The following DLG5 variants were observed in gnomAD, a reference collection of about 807,000 sequenced individuals.
DLG5 encodes the protein discs large MAGUK scaffold protein 5, also known as disks large homolog 5.
A neutral mutation model predicts 189.8 loss-of-function variants in DLG5; 48 were observed. That is an observed-to-expected ratio of 0.25 (90% confidence interval 0.20 to 0.32). The LOEUF (loss-of-function observed/expected upper bound fraction) is 0.32. DLG5 is among the 10% of genes least tolerant of loss of function. The pLI is 1.00. For synonymous variants in DLG5, 1,016 were observed against 1,054.1 expected, an observed-to-expected ratio of 0.96 and a Z score of 0.70; for missense variants, 2,160 against 2,544.7, an observed-to-expected ratio of 0.85 and a Z score of 3.25.
intron 20 of DLG5, among the ~76,000 whole-genome samples, chr10:77,815,014 G>A (rs764361918): frequency 7.2e-5 from 11 of 152,080 alleles, no homozygotes; most frequent in Non-Finnish European, 1.0e-4. Flanking sequence ...CCTAACCACC[G>A]TGAGGGCAGG....
chr10:77,864,819 T>G (rs891817695), intron 2 of DLG5, among the ~76,000 whole-genome samples: 3 of 152,166 alleles, frequency 2.0e-5, no homozygotes, highest in African/African-American at 7.2e-5. Flanking sequence ...AGTCAATGAG[T>G]ACATGACTCC....
At chr10:77,907,828 G>A (rs980827144) in intron 1 of DLG5, among the ~76,000 whole-genome samples, 3 of 152,130 alleles carry the variant, frequency 2.0e-5, no homozygotes, top group Non-Finnish European at 4.4e-5. Flanking sequence ...CTCCTAAACT[G>A]ACTCCTGAGT....
In DLG5 at chr10:77,829,535, G is replaced by A. The variant is rs780450327; in HGVS notation, c.2010-5C>T. ...CTCAGCAGCCAGTCATTGACCCTGA[G>A]AAAGGGCACAGCCAGTTCAGCACCC... On this transcript the variant is annotated splice_polypyrimidine_tract_variant and splice_region_variant and intron_variant, in intron 11 of 31. Transcript: ENST00000372391. 5.6e-5 allele frequency: 89 copies of A among 1,598,506 alleles called. No individual in the cohort carries two copies. The highest frequency in any genetic ancestry group is 4.9e-4 in the Admixed American group (29 of 59,148).
chr10:77,938,192 G>A, the DLG5 span, among the ~76,000 whole-genome samples: 5 of 151,846 alleles, frequency 3.3e-5, no homozygotes, highest in African/African-American at 7.3e-5. Context: ...GCCTGTAATC[G>A]CAACACTTTG....
rs141294188 is a variant in DLG5, at chr10:77,856,776, G to A, written c.490C>T (p.Arg164Cys). The A allele has an allele frequency of 1.2e-5, 19 of 1,613,572 alleles. No homozygotes were observed. Among genetic ancestry groups the A allele is most frequent in the South Asian group, 2.2e-5 (2 of 91,042 alleles). Residue 164 changes from arginine to cysteine, a missense_variant, in exon 3 of 32, where the codon CGC becomes TGC. Physicochemically the swap from Arg to Cys is radical, Grantham distance 180 (BLOSUM62 -3). Transcript: ENST00000372391. ...TGCGTAGCAAAGGCCAGGCGCTTGC[G>A]GAGCTCGTTTCTCTCCCGGGTCATC... ...RLMTRERNELRKRLAFATHGT... is the reference protein window; with the variant it reads ...RLMTRERNELCKRLAFATHGT...
intron 30 of DLG5, among the ~76,000 whole-genome samples, chr10:77,794,450 C>A (rs186273515): frequency 6.6e-6 from 1 of 152,200 alleles, no homozygotes; most frequent in African/African-American, 2.4e-5. Flanking sequence ...CGAAGCTCAG[C>A]GAAGGCAACG....
In DLG5 at chr10:77,819,902, C is replaced by G; in HGVS notation, c.3519G>C (p.Pro1173=). The G allele has an allele frequency of 6.4e-7, 1 of 1,568,238 alleles. No homozygotes were observed. The highest frequency in any genetic ancestry group is 8.6e-7 in the Non-Finnish European group (1 of 1,158,052). Residue 1173 remains proline, a synonymous_variant, in exon 16 of 32, where the codon CCG becomes CCC. Coordinates refer to ENST00000372391, the MANE Select transcript of DLG5 (RefSeq NM_004747.4). ...HSNPPLYPSR[P]SVGTVPRSLT... is the part of the protein sequence containing the mutation. ...CCTGGCTGGCTGACTCACCCACAGA[C>G]GGCCTGCTAGGGTATAGCGGGGGGT... is the stretch of plus-strand genomic sequence containing the variant.
the DLG5 span, among the ~76,000 whole-genome samples, chr10:77,934,371 C>A: frequency 4.4e-3 from 418 of 95,990 alleles, no homozygotes; most frequent in African/African-American, 5.5e-3. Flanking sequence ...AACTCCATCT[C>A]AAAAAAAAAA....
chr10:77,885,055 T>C (rs903246493), intron 1 of DLG5, among the ~76,000 whole-genome samples: 2 of 152,170 alleles, frequency 1.3e-5, no homozygotes, highest in South Asian at 2.1e-4. Flanking sequence ...TTGGGTACTA[T>C]ACACTCAGGC....
rs1270053186 is a variant in DLG5, at chr10:77,853,402, G to A, written c.816C>T (p.His272=). The A allele has an allele frequency of 1.4e-5, 23 of 1,604,304 alleles. No individual in the cohort carries two copies. Among genetic ancestry groups the A allele is most frequent in the African/African-American group, 1.1e-4 (8 of 74,792 alleles). Residue 272 remains histidine (H), a synonymous_variant, in exon 5 of 32, where the codon CAC becomes CAT. Coordinates refer to ENST00000372391, the MANE Select transcript of DLG5 (RefSeq NM_004747.4). ...QQSWEDMKRL[H]EEDQKEIGDL... is the part of the protein sequence containing the mutation. ...CACCGATCTCCTTCTGGTCCTCCTC[G>A]TGGAGCCGCTTCATGTCCTCCCATG...
chr10:77,852,709 C>T (rs757154170), intron 5 of DLG5, among the ~76,000 whole-genome samples: 212 of 152,272 alleles, frequency 1.4e-3, no homozygotes, highest in Admixed American at 2.4e-3. Flanking sequence ...CCGCACCCAG[C>T]CTTGTCACTG....
chr10:77,840,257 A>G (rs898354057), intron 7 of DLG5, among the ~76,000 whole-genome samples: 3 of 152,074 alleles, frequency 2.0e-5, no homozygotes, highest in African/African-American at 7.2e-5. Context: ...GCTCGCCTAT[A>G]GTCCCAGCTA....
chr10:77,802,729 G>A (rs1018127797), intron 27 of DLG5, among the ~76,000 whole-genome samples: 4 of 152,066 alleles, frequency 2.6e-5, no homozygotes, highest in Admixed American at 6.5e-5. Context: ...GTGAAACCCC[G>A]TCTTTACTAA....
chr10:77,905,253 G>A (rs1846040627), intron 1 of DLG5, among the ~76,000 whole-genome samples: 2 of 151,898 alleles, frequency 1.3e-5, no homozygotes, highest in Admixed American at 6.6e-5. Flanking sequence ...CTCCCACCTC[G>A]GCCTCCAAAA....
Position 77,919,469 on chromosome 10 carries a change from A to G in DLG5, c.304+6748T>C, listed in dbSNP as rs1257418180. On this transcript the variant is annotated intron_variant, in intron 1 of 31. Transcript: ENST00000372391. ...TGAGCAAGTCTCCCGTCAATGCTCA[A>G]CCTCTTCTGTTTTGACTGTTGAACT... Among the ~76,000 whole-genome samples, 4 of 150,658 alleles carry G rather than the reference A, an allele frequency of 2.7e-5. No homozygotes were observed. In the South Asian group the frequency reaches 8.4e-4, roughly 32 times the overall value.
In DLG5 at chr10:77,833,969, G is replaced by C. The variant is rs1269783384; in HGVS notation, c.1693C>G (p.Leu565Val). ...VSELAEALRSLDDTRKQKNDV... is the reference protein window; with the variant it reads ...VSELAEALRSVDDTRKQKNDV... ...TTCTTCTGCTTGCGGGTGTCATCCA[G>C]GCTGCGCAGGGCCTCAGCCAGCTCG... The change falls in exon 9 of 32, where the codon CTG becomes GTG. Residue 565 changes from leucine to valine, a missense_variant. This residue lies in a region of DLG5 where 664 missense variants were observed against 838.5 expected (regional missense o/e 0.79). Transcript: ENST00000372391. 1 of 1,607,492 alleles carries C rather than the reference G, an allele frequency of 6.2e-7. No homozygotes were observed.
In DLG5 at chr10:77,811,998, C is replaced by T; in HGVS notation, c.4248G>A (p.Gln1416=). 6.2e-7 allele frequency: 1 copy of T among 1,611,272 alleles called. No homozygotes were observed. ...TEQQARLIIG[Q]QCDTITILAQ... is the part of the protein sequence containing the mutation. ...CCAGGATGGTGATGGTATCACACTG[C>T]TGCCCGATGATGAGCCGCGCCTGCT... Residue 1416 remains glutamine (Q), a synonymous_variant, in exon 22 of 32, where the codon CAG becomes CAA. Coordinates refer to ENST00000372391, the MANE Select transcript of DLG5 (RefSeq NM_004747.4).
Position 77,926,586 on chromosome 10 carries a change from C to T in DLG5, c.-66G>A. The T allele has an allele frequency of 8.6e-7, 1 of 1,163,378 alleles. No individual in the cohort carries two copies. The allele number at this position is 1,163,378 out of a possible 1,614,324, so 72.1% of individuals were successfully genotyped here. On this transcript the variant is annotated 5_prime_UTR_variant, in exon 1 of 32. Coordinates refer to ENST00000372391, the MANE Select transcript of DLG5 (RefSeq NM_004747.4). This position sits in a 1 kb window ranked among gnomAD's most constrained non-coding sequence, Gnocchi z 5.2. Reference sequence around the variant, plus strand: ...GGGCCCCCCGAGGCCGGCGGGCGGGCAGGCGAGCACCTCGGCAGCAGCCCT... The same window carrying T: ...GGGCCCCCCGAGGCCGGCGGGCGGGTAGGCGAGCACCTCGGCAGCAGCCCT...
intron 2 of DLG5, chr10:77,867,820 T>C (rs916979641): frequency 1.9e-5 from 8 of 410,992 alleles, no homozygotes; most frequent in Middle Eastern, 4.1e-4. Context: ...ACAGCAGTTA[T>C]TGCTGATGGT....
Sources: allele counts gnomAD v4.1 joint callset (sites outside exome capture counted in the v4.1 genomes callset), GRCh38; gene constraint gnomAD v4.1.1; regional missense constraint gnomAD v4.1.1; non-coding constraint Gnocchi (gnomAD v3.1); transcripts MANE v1.5; gene names NCBI Gene and HGNC (gene_info 2026-07-23, HGNC 2026-07-21).